Variants in KAT2B observed in about 807,000 individuals in gnomAD.
The protein encoded by KAT2B is lysine acetyltransferase 2B.
In KAT2B, 36 loss-of-function variants were observed where a neutral mutation model predicts 105.9. The observed-to-expected ratio is 0.34, with a 90% CI of 0.26 to 0.45. The LOEUF is 0.45. Ranked by LOEUF, KAT2B falls within the 20% of genes least tolerant of loss-of-function variation. KAT2B has a pLI of 1.00. For synonymous variants in KAT2B, 397 were observed against 377.9 expected (o/e 1.05, Z -0.59); for missense variants, 820 against 1,021.6 (o/e 0.80, Z 2.69).
intron 9 of KAT2B, among the ~76,000 whole-genome samples, chr3:20,125,054 T>G (rs1338682755): frequency 2.6e-5 from 4 of 152,116 alleles, no homozygotes; most frequent in Admixed American, 6.5e-5. Context: ...CCGGGCGCGG[T>G]GGCTCAGCCT....
At chr3:20,072,275 C>CCATCAG in intron 1 of KAT2B, 58 bp from the exon 2 acceptor site, 1 of 1,562,134 alleles carries the variant, frequency 6.4e-7, no homozygotes, top group Non-Finnish European at 8.8e-7. Flanking sequence ...TCATGTAAAA[C>CCATCAG]CATCAGTCCA....
At chr3:20,044,457 A>G (rs1013560288) in intron 1 of KAT2B, among the ~76,000 whole-genome samples, 2 of 152,084 alleles carry the variant, frequency 1.3e-5, no homozygotes, top group South Asian at 2.1e-4. Flanking sequence ...AGTAGATCTG[A>G]CCATGTTATA....
At chr3:20,146,276 A>G (rs768663728) in intron 13 of KAT2B, 40 bp from the exon 14 acceptor site, 10 of 1,156,960 alleles carry the variant, frequency 8.6e-6, no homozygotes, top group African/African-American at 1.5e-5. Flanking sequence ...GTATCCATAG[A>G]CTTCTTTCCC....
intron 7 of KAT2B, among the ~76,000 whole-genome samples, chr3:20,117,225 G>A (rs1175046933): frequency 5.3e-5 from 8 of 152,092 alleles, no homozygotes; most frequent in Non-Finnish European, 7.4e-5. Context: ...AATTTTATTC[G>A]TTTTTCTGTG....
intron 13 of KAT2B, among the ~76,000 whole-genome samples, chr3:20,143,653 T>C (rs547554150): frequency 1.3e-5 from 2 of 152,246 alleles, no homozygotes; most frequent in East Asian, 1.9e-4. Context: ...CAAAGGTAGA[T>C]TGGATAAAGA....
In KAT2B at chr3:20,040,765, G is replaced by A; in HGVS notation, c.288G>A (p.Val96=). ...PRAKKLEKLG[V]YSACKAEESC... ...CCAAGAAACTGGAGAAACTCGGAGT[G>A]TACTCCGCCTGCAAGGTACGCGCTC... The change falls in exon 1 of 18, where the codon GTG becomes GTA. Residue 96 remains valine, a synonymous_variant. Coordinates refer to ENST00000263754, the MANE Select transcript of KAT2B (RefSeq NM_003884.5). 6.3e-7 allele frequency: 1 copy of A among 1,592,276 alleles called. No homozygotes were observed. Among genetic ancestry groups the A allele is most frequent in the Non-Finnish European group, 8.5e-7 (1 of 1,172,424 alleles).
chr3:20,103,006 T>G (rs754122213), intron 5 of KAT2B, among the ~76,000 whole-genome samples: 1 of 152,244 alleles, frequency 6.6e-6, no homozygotes, highest in Non-Finnish European at 1.5e-5. Flanking sequence ...TTTCCTCTCT[T>G]TCTCTTCACT....
intron 2 of KAT2B, among the ~76,000 whole-genome samples, chr3:20,093,398 C>T (rs1698756734): frequency 6.6e-6 from 1 of 152,166 alleles, no homozygotes; most frequent in Non-Finnish European, 1.5e-5. Context: ...TGGCTAAGAG[C>T]TGCTCTTGAG....
intron 2 of KAT2B, among the ~76,000 whole-genome samples, chr3:20,076,768 G>T (rs547870256): frequency 2.0e-5 from 3 of 152,030 alleles, no homozygotes; most frequent in Non-Finnish European, 4.4e-5. Flanking sequence ...TACAAGTTGG[G>T]GTCTAGGGAA....
intron 17 of KAT2B, among the ~76,000 whole-genome samples, chr3:20,150,237 G>T (rs531434797): frequency 3.3e-5 from 5 of 152,168 alleles, no homozygotes; most frequent in South Asian, 2.1e-4. Flanking sequence ...TTTTTTCTTG[G>T]TATTGTTCAG....
At chr3:20,072,509 A>T in intron 2 of KAT2B, 50 bp downstream of exon 2, 1 of 1,574,440 alleles carries the variant, frequency 6.4e-7, no homozygotes, top group South Asian at 1.1e-5. Flanking sequence ...TTGTAGCGTG[A>T]GACTCTTAAC....
intron 14 of KAT2B, among the ~76,000 whole-genome samples, chr3:20,147,096 T>TG (rs1699794426): frequency 1.3e-4 from 1 of 7,786 alleles, no homozygotes; most frequent in Admixed American, 1.7e-3. Flanking sequence ...TTGAATATCA[T>TG]TGGCAATTTT....
At chr3:20,121,730 ATATGTGTGTGTGTGTGTGTGTG>A (rs1485788147) in intron 8 of KAT2B, among the ~76,000 whole-genome samples, 8 of 92,502 alleles carry the variant, frequency 8.6e-5, no homozygotes, top group African/African-American at 2.6e-4. Flanking sequence ...ACACATATGC[ATATGTGTGTGTGTGTGTGTGTG>A]TGTGTGTGTG....
chr3:20,114,927 C>T lies in KAT2B; in HGVS notation c.1089C>T (p.Pro363=), dbSNP rs1375337053. The T allele has an allele frequency of 1.9e-6, 3 of 1,612,504 alleles. No homozygotes were observed. The highest frequency in any genetic ancestry group is 1.7e-5 in the Admixed American group (1 of 59,938). The change falls in exon 7 of 18, where the codon CCC becomes CCT. Residue 363 remains proline, a synonymous_variant. Coordinates refer to ENST00000263754, the MANE Select transcript of KAT2B (RefSeq NM_003884.5). The part of the protein sequence containing the change: ...LEEEVYSQNS[P]IWDQDFLSAS... The stretch of plus-strand genomic sequence containing the variant: ...AAGAAGTATATAGTCAAAACTCTCC[C>T]ATCTGGGATCAGGATTTTCTCTCAG...
chr3:20,055,128 G>A (rs903296000), intron 1 of KAT2B, among the ~76,000 whole-genome samples: 4 of 152,050 alleles, frequency 2.6e-5, no homozygotes, highest in South Asian at 2.1e-4. Context: ...TGAGCCAGAC[G>A]TGAGAGTAGT....
At chr3:20,076,072 C>T (rs1698413884) in intron 2 of KAT2B, among the ~76,000 whole-genome samples, 1 of 152,058 alleles carries the variant, frequency 6.6e-6, no homozygotes, top group Non-Finnish European at 1.5e-5. Flanking sequence ...TGTGCACTAT[C>T]TTAAGTCACC....
At chr3:20,144,598 T>G (rs1360466745) in intron 13 of KAT2B, among the ~76,000 whole-genome samples, 1 of 135,278 alleles carries the variant, frequency 7.4e-6, no homozygotes, top group Non-Finnish European at 1.6e-5. Flanking sequence ...CAGGTTTCTT[T>G]TTTCTTTTTT....
intron 8 of KAT2B, among the ~76,000 whole-genome samples, chr3:20,122,402 G>C (rs1460359922): frequency 2.6e-5 from 4 of 152,190 alleles, no homozygotes; most frequent in African/African-American, 9.7e-5. Flanking sequence ...TGCATTTGCA[G>C]ATGAAGGAAC....
chr3:20,044,999 G>A lies in KAT2B; in HGVS notation c.303+4219G>A, dbSNP rs114158478. ...CAGTTCTAGGTGTCCCACAGATATT[G>A]ATAGGATTGGGTTATTTATTTATTT... On this transcript the variant is annotated intron_variant, in intron 1 of 17. Transcript: ENST00000263754. Among the ~76,000 whole-genome samples the A allele has an allele frequency of 5.3e-3, 802 of 152,214 alleles. 6 individuals are homozygous for A. Among genetic ancestry groups the A allele is most frequent in the African/African-American group, 0.018 (764 of 41,556 alleles).
Sources: allele counts gnomAD v4.1 joint callset (sites outside exome capture counted in the v4.1 genomes callset), GRCh38; gene constraint gnomAD v4.1.1; transcripts MANE v1.5; gene names NCBI Gene and HGNC (gene_info 2026-07-23, HGNC 2026-07-21).